Variants in TGFBR3 observed in about 807,000 individuals in gnomAD.
TGFBR3 encodes the protein transforming growth factor beta receptor type 3.
TGFBR3 carries 46 observed loss-of-function variants against 87.9 expected under a neutral mutation model. The ratio of observed to expected loss-of-function variants is 0.52; its 90% confidence interval spans 0.41 to 0.67. TGFBR3 has a LOEUF of 0.67. Among genes scored for constraint, TGFBR3 ranks in the 30% least tolerant of loss-of-function variants. The pLI is 0.00. For synonymous variants in TGFBR3, 381 were observed against 391.6 expected (o/e 0.97, Z 0.32); for missense variants, 866 against 1,041.9 (o/e 0.83, Z 2.32).
At chr1:91,750,416 ACTC>A (rs1293305943) in intron 4 of TGFBR3, among the ~76,000 whole-genome samples, 1 of 152,060 alleles carries the variant, frequency 6.6e-6, no homozygotes, top group Non-Finnish European at 1.5e-5. Context: ...AGGGCCAAAA[ACTC>A]CTATTCCTAG....
chr1:91,694,937 C>T (rs994155505), intron 16 of TGFBR3, among the ~76,000 whole-genome samples: 10 of 152,132 alleles, frequency 6.6e-5, no homozygotes, highest in African/African-American at 2.2e-4. Flanking sequence ...TCCATTTGTT[C>T]TTTCTCCATT....
chr1:91,795,648 T>C (rs1675353826), intron 3 of TGFBR3, among the ~76,000 whole-genome samples: 1 of 152,186 alleles, frequency 6.6e-6, no homozygotes, highest in Non-Finnish European at 1.5e-5. Context: ...GAGAGAAGCA[T>C]ATATAAAATG....
intron 3 of TGFBR3, among the ~76,000 whole-genome samples, chr1:91,771,203 C>T (rs889913262): frequency 1.7e-4 from 26 of 152,104 alleles, no homozygotes; most frequent in African/African-American, 5.1e-4. Context: ...TTATGTTTTG[C>T]GCATTTACTA....
At chr1:91,879,308 A>C (rs1012404413) in intron 1 of TGFBR3, among the ~76,000 whole-genome samples, 1 of 152,092 alleles carries the variant, frequency 6.6e-6, no homozygotes, top group Non-Finnish European at 1.5e-5. Context: ...TCTAAAAATC[A>C]ACTTTGCTAG....
chr1:91,801,099 A>AAAGAG (rs58454913), intron 2 of TGFBR3: 7 of 175,144 alleles, frequency 4.0e-5, no homozygotes, highest in Non-Finnish European at 5.8e-5. Context: ...AAAAAAAAAA[A>AAAGAG]AGAGAGAGAG....
chr1:91,800,733 C>T (rs1046714063), intron 2 of TGFBR3, among the ~76,000 whole-genome samples: 1 of 151,914 alleles, frequency 6.6e-6, no homozygotes, highest in African/African-American at 2.4e-5. Flanking sequence ...TATCTACCAC[C>T]ATCCCCAGGG....
intron 2 of TGFBR3, among the ~76,000 whole-genome samples, chr1:91,840,312 ACT>A (rs1306288330): frequency 6.7e-6 from 1 of 149,136 alleles, no homozygotes; most frequent in Admixed American, 6.7e-5. Context: ...ACAGAGCAAG[ACT>A]CTGTCAAAAA....
intron 4 of TGFBR3, among the ~76,000 whole-genome samples, chr1:91,740,894 T>C (rs1338417707): frequency 6.6e-6 from 1 of 152,086 alleles, no homozygotes; most frequent in African/African-American, 2.4e-5. Flanking sequence ...GAAAATAATT[T>C]TGTCTAATAT....
At chr1:91,863,495 C>T (rs182749224) in intron 1 of TGFBR3, among the ~76,000 whole-genome samples, 1 of 152,290 alleles carries the variant, frequency 6.6e-6, no homozygotes, top group Admixed American at 6.5e-5. Context: ...AGAACAGTCC[C>T]TAGCACGTAA....
At chr1:91,873,638 C>A (rs1246491943) in intron 1 of TGFBR3, among the ~76,000 whole-genome samples, 2 of 152,106 alleles carry the variant, frequency 1.3e-5, no homozygotes, top group African/African-American at 4.8e-5. Context: ...GCACCTATAA[C>A]TGGGGCTATA....
chr1:91,805,459 C>G (rs1001208922), intron 2 of TGFBR3, among the ~76,000 whole-genome samples: 1 of 152,224 alleles, frequency 6.6e-6, no homozygotes, highest in Non-Finnish European at 1.5e-5. Context: ...CACAGAGGCA[C>G]AGCCCCCTTC....
intron 13 of TGFBR3, among the ~76,000 whole-genome samples, chr1:91,710,155 T>C (rs1037701257): frequency 6.6e-6 from 1 of 152,154 alleles, no homozygotes; most frequent in Non-Finnish European, 1.5e-5. Context: ...GCTAATCAAG[T>C]TCCATCTTTT....
At chr1:91,697,773 G>C (rs2810886) in intron 15 of TGFBR3, among the ~76,000 whole-genome samples, 2 of 152,054 alleles carry the variant, frequency 1.3e-5, no homozygotes, top group East Asian at 1.9e-4. Flanking sequence ...GCAGGTTAGA[G>C]CAGACATAAG....
intron 1 of TGFBR3, among the ~76,000 whole-genome samples, chr1:91,880,255 T>C (rs1679018992): frequency 6.6e-6 from 1 of 152,236 alleles, no homozygotes; most frequent in East Asian, 1.9e-4. Flanking sequence ...ACTCAAGTTA[T>C]GCAAATTTCA....
intron 4 of TGFBR3, among the ~76,000 whole-genome samples, chr1:91,736,163 C>T (rs548445664): frequency 2.7e-4 from 41 of 152,122 alleles, no homozygotes; most frequent in African/African-American, 9.9e-4. Flanking sequence ...CCATGACCTA[C>T]TAATGTTGCA....
intron 3 of TGFBR3, among the ~76,000 whole-genome samples, chr1:91,792,645 G>A (rs1258299686): frequency 1.3e-5 from 2 of 152,172 alleles, no homozygotes; most frequent in African/African-American, 4.8e-5. Flanking sequence ...ATGAAAGTAT[G>A]TTACTGTAAA....
intron 4 of TGFBR3, among the ~76,000 whole-genome samples, chr1:91,745,187 T>G (rs1049540990): frequency 6.6e-6 from 1 of 152,114 alleles, no homozygotes; most frequent in Admixed American, 6.6e-5. Flanking sequence ...GTTCAACACT[T>G]ACACAATGAA....
At chr1:91,823,535 A>G (rs1169109332) in intron 2 of TGFBR3, among the ~76,000 whole-genome samples, 2 of 152,276 alleles carry the variant, frequency 1.3e-5, no homozygotes, top group Non-Finnish European at 2.9e-5. Flanking sequence ...AACATTCAAC[A>G]TCAAAAAGGA....
intron 2 of TGFBR3, chr1:91,801,159 T>C: frequency 6.0e-6 from 1 of 166,208 alleles, no homozygotes; most frequent in Non-Finnish European, 1.3e-5. Flanking sequence ...TGCTAGGTGC[T>C]GCATATCCTT....
Sources: gnomAD v4.1 joint callset for allele counts (sites outside exome capture counted in the v4.1 genomes callset) on GRCh38, gnomAD v4.1.1 for gene constraint, MANE v1.5 for transcripts, NCBI Gene and HGNC (gene_info 2026-07-23, HGNC 2026-07-21) for gene names.